LAMA2: variants seen among roughly 807,000 people sequenced by gnomAD.
LAMA2 encodes the protein laminin subunit alpha 2.
A neutral mutation model predicts 364.8 loss-of-function variants in LAMA2; 269 were observed. The observed-to-expected ratio is 0.74, with a 90% confidence interval of 0.67 to 0.82. LAMA2 has a LOEUF of 0.82. Among genes scored for constraint, LAMA2 ranks in the 40% least tolerant of loss-of-function variants. The pLI is 0.00. For synonymous variants in LAMA2, 1,379 were observed against 1,370.6 expected (o/e 1.01, Z -0.14); for missense variants, 3,807 against 3,873.2 (o/e 0.98, Z 0.45).
At chr6:129,468,483 T>C in intron 51 of LAMA2, among the ~76,000 whole-genome samples, 1 of 151,914 alleles carries the variant, frequency 6.6e-6, no homozygotes, top group Non-Finnish European at 1.5e-5. Flanking sequence ...AGTTAATATG[T>C]ATTAATTTTT....
intron 1 of LAMA2, among the ~76,000 whole-genome samples, chr6:129,024,471 C>A (rs1330180060): frequency 6.6e-6 from 1 of 151,234 alleles, no homozygotes. Context: ...GCAACCTCTG[C>A]CTCCCAGGTT....
intron 40 of LAMA2, among the ~76,000 whole-genome samples, chr6:129,404,340 G>A (rs532056313): frequency 6.6e-6 from 1 of 152,206 alleles, no homozygotes; most frequent in South Asian, 2.1e-4. Context: ...GGTTACATAT[G>A]AAGTTTGGCT....
intron 29 of LAMA2, among the ~76,000 whole-genome samples, chr6:129,334,457 A>C (rs746973537): frequency 6.6e-6 from 1 of 152,346 alleles, no homozygotes; most frequent in South Asian, 2.1e-4. Context: ...TACGCTTCAT[A>C]AAAGCAATTA....
At chr6:128,884,506 CT>C (rs1776037219) in intron 1 of LAMA2, among the ~76,000 whole-genome samples, 1 of 152,136 alleles carries the variant, frequency 6.6e-6, no homozygotes, top group African/African-American at 2.4e-5. Flanking sequence ...TTCTTATAAT[CT>C]AGCATTTTTA....
chr6:129,298,102 T>C (rs1419676079), intron 21 of LAMA2, among the ~76,000 whole-genome samples: 1 of 152,274 alleles, frequency 6.6e-6, no homozygotes, highest in Non-Finnish European at 1.5e-5. Context: ...TTTGGTTGTG[T>C]CCCTCCCTGT....
intron 17 of LAMA2, among the ~76,000 whole-genome samples, chr6:129,275,609 C>T (rs910832218): frequency 1.3e-5 from 2 of 151,314 alleles, no homozygotes; most frequent in Non-Finnish European, 2.9e-5. Context: ...ATATTAACAG[C>T]TATGTTAATA....
chr6:129,428,518 G>T (rs553722489), intron 41 of LAMA2, among the ~76,000 whole-genome samples: 29 of 152,268 alleles, frequency 1.9e-4, no homozygotes, highest in Non-Finnish European at 3.5e-4. Context: ...GCAGTGGTGC[G>T]ATCTTGGCTC....
chr6:128,949,833 C>T (rs1485548894), intron 1 of LAMA2, among the ~76,000 whole-genome samples: 2 of 151,992 alleles, frequency 1.3e-5, no homozygotes, highest in East Asian at 1.9e-4. Context: ...AACATAAGGG[C>T]ATATATTTGG....
intron 8 of LAMA2, among the ~76,000 whole-genome samples, chr6:129,163,616 G>A (rs117328866): frequency 8.7e-4 from 132 of 152,260 alleles, no homozygotes; most frequent in Non-Finnish European, 1.6e-3. Flanking sequence ...CTGGGCAAGA[G>A]AGCGAGACCC....
intron 9 of LAMA2, among the ~76,000 whole-genome samples, chr6:129,168,397 C>T (rs956284470): frequency 2.0e-5 from 3 of 152,170 alleles, no homozygotes; most frequent in African/African-American, 4.8e-5. Context: ...AGCCAGTTCT[C>T]CCAGCACCAT....
intron 41 of LAMA2, among the ~76,000 whole-genome samples, chr6:129,437,894 G>T (rs1781912701): frequency 6.6e-6 from 1 of 151,594 alleles, no homozygotes; most frequent in Non-Finnish European, 1.5e-5. Context: ...AATTTAAACT[G>T]CTTAGTTACT....
At chr6:129,399,186 G>T (rs1286822987) in intron 37 of LAMA2, among the ~76,000 whole-genome samples, 1 of 152,108 alleles carries the variant, frequency 6.6e-6, no homozygotes, top group African/African-American at 2.4e-5. Context: ...AAATAATATT[G>T]TCTATGTTTC....
At position 129,452,980 on chromosome 6, in the gene LAMA2, T is replaced by C. The variant is rs2114788452; in HGVS notation, c.6430-8T>C. ...CTCTTGGTTCTTTGTATCTTGTTTTTTTTAAAGATCAAAGTATCTGTGTCT... is the reference window on the plus strand; with the variant it reads ...CTCTTGGTTCTTTGTATCTTGTTTTCTTTAAAGATCAAAGTATCTGTGTCT... On this transcript the variant is annotated splice_polypyrimidine_tract_variant and splice_region_variant and intron_variant, in intron 45 of 64. Transcript: ENST00000421865. 1 of 1,611,524 alleles carries C rather than the reference T, an allele frequency of 6.2e-7. No homozygotes were observed. Among genetic ancestry groups the C allele is most frequent in the East Asian group, 2.2e-5 (1 of 44,690 alleles).
chr6:128,995,941 T>G (rs995545097), intron 1 of LAMA2, among the ~76,000 whole-genome samples: 3 of 152,230 alleles, frequency 2.0e-5, no homozygotes, highest in Admixed American at 6.5e-5. Context: ...TGCTCTCTTT[T>G]ACTTCCTTTT....
chr6:129,445,833 T>C lies in LAMA2; in HGVS notation c.6429+12T>C. ...AACAAGCCAATTCTGTAAGTTCTTT[T>C]TATCGTCAGTATCAGTAACTGATTG... On this transcript the variant is annotated intron_variant, in intron 45 of 64. Transcript: ENST00000421865. The C allele has an allele frequency of 1.9e-6, 3 of 1,606,568 alleles. No individual in the cohort carries two copies. Among genetic ancestry groups the C allele is most frequent in the Non-Finnish European group, 2.6e-6 (3 of 1,173,328 alleles).
At chr6:129,147,936 T>A (rs1331465061) in intron 6 of LAMA2, among the ~76,000 whole-genome samples, 2 of 135,956 alleles carry the variant, frequency 1.5e-5, no homozygotes, top group African/African-American at 3.5e-5. Context: ...TTCCATTTTT[T>A]AAAATTTTAC....
At chr6:129,274,830 G>T (rs1042081369) in intron 17 of LAMA2, among the ~76,000 whole-genome samples, 17 of 151,780 alleles carry the variant, frequency 1.1e-4, no homozygotes, top group Admixed American at 2.0e-4. Flanking sequence ...TTAATTTCTG[G>T]CATCACATAG....
At chr6:128,906,145 T>C (rs1163526240) in intron 1 of LAMA2, among the ~76,000 whole-genome samples, 1 of 141,420 alleles carries the variant, frequency 7.1e-6, no homozygotes, top group Non-Finnish European at 1.5e-5. Context: ...TTTGGGTATA[T>C]ACCCAGTAAT....
chr6:129,200,607 C>T (rs1782226084), intron 12 of LAMA2, among the ~76,000 whole-genome samples: 1 of 151,728 alleles, frequency 6.6e-6, no homozygotes, highest in Admixed American at 6.6e-5. Flanking sequence ...GGGATTAGGT[C>T]ATGAGGGTTC....
Sources: gnomAD v4.1 joint callset for allele counts (sites outside exome capture counted in the v4.1 genomes callset) on GRCh38, gnomAD v4.1.1 for gene constraint, MANE v1.5 for transcripts, NCBI Gene and HGNC (gene_info 2026-07-23, HGNC 2026-07-21) for gene names.